LGALS9: variants seen among roughly 807,000 people sequenced by gnomAD.
LGALS9 encodes the protein galectin-9.
A neutral mutation model predicts 35.9 loss-of-function variants in LGALS9; 26 were observed. That is an observed-to-expected ratio of 0.72 (90% CI 0.53 to 1.01). LGALS9 has a LOEUF of 1.01. Ranked by LOEUF, LGALS9 falls within the 50% of genes least tolerant of loss-of-function variation. LGALS9 has a pLI of 0.00. For synonymous variants in LGALS9, 149 were observed against 172.2 expected, an observed-to-expected ratio of 0.87 and a Z score of 1.06; for missense variants, 347 against 445.8, an observed-to-expected ratio of 0.78 and a Z score of 1.99.
chr17:27,644,679 C>T (rs1338936944), intron 5 of LGALS9: 1 of 153,094 alleles, frequency 6.5e-6, no homozygotes, highest in African/African-American at 2.4e-5. Context: ...GCACCTGCCT[C>T]CTGCCACGCT....
At chr17:27,645,596 G>A (rs1904870467) in intron 6 of LGALS9, 1 of 614,252 alleles carries the variant, frequency 1.6e-6, no homozygotes. Flanking sequence ...ACCTGCAAAG[G>A]GAGGCTAGGC....
chr17:27,646,462 CT>C (rs1390551969), intron 7 of LGALS9, 84 bp from the exon 8 acceptor site: 33 of 1,600,980 alleles, frequency 2.1e-5, no homozygotes, highest in Non-Finnish European at 2.7e-5. Flanking sequence ...CAGTGGAGTC[CT>C]CTCTAGAACG....
At position 27,647,484 on chromosome 17, in the gene LGALS9, G is replaced by A. The variant is rs747784783; in HGVS notation, c.921+52G>A. On this transcript the variant is annotated intron_variant, in intron 10 of 10. Coordinates refer to ENST00000395473, the MANE Select transcript of LGALS9 (RefSeq NM_009587.3). ...AGAGGCTCCCATGGGTGCACAGGGG[G>A]AGGGGGTAAAGGAGGTTTGAGGTAC... The A allele has an allele frequency of 6.8e-6, 11 of 1,607,300 alleles. No homozygotes were observed. The South Asian group carries it at 1.0e-4, about 15-fold the overall frequency.
intron 7 of LGALS9, 129 bp from the exon 8 acceptor site, chr17:27,646,418 G>A: frequency 6.9e-7 from 1 of 1,442,528 alleles, no homozygotes. Flanking sequence ...AGACGGGCGA[G>A]TCCAAGGGCC....
chr17:27,636,596 A>C (rs771733637), intron 1 of LGALS9, among the ~76,000 whole-genome samples: 5 of 152,012 alleles, frequency 3.3e-5, no homozygotes, highest in African/African-American at 7.3e-5. Flanking sequence ...CAGCCTCCCA[A>C]GTAACTAGAG....
At chr17:27,640,459 C>G (rs1381816153) in intron 2 of LGALS9, 113 bp from the exon 3 acceptor site, 3 of 1,464,996 alleles carry the variant, frequency 2.0e-6, no homozygotes, top group Non-Finnish European at 2.9e-6. Context: ...CTCTGCCATA[C>G]AGGTTGTGTG....
At chr17:27,646,431 A>T in intron 7 of LGALS9, 116 bp from the exon 8 acceptor site, 1 of 1,523,340 alleles carries the variant, frequency 6.6e-7, no homozygotes, top group Non-Finnish European at 9.1e-7. Flanking sequence ...CAAGGGCCAA[A>T]GGCTCACGAG....
Position 27,649,029 on chromosome 17 carries a change from G to A in LGALS9, c.*47G>A. 1 of 1,612,380 alleles carries A rather than the reference G, an allele frequency of 6.2e-7. No individual in the cohort carries two copies. Among genetic ancestry groups the A allele is most frequent in the South Asian group, 1.1e-5 (1 of 90,986 alleles). ...CGGGGGCTGGGGTGTGGGGCAGTCT[G>A]GGTCCTCTCATCATCCCCACTTCCC... On this transcript the variant is annotated 3_prime_UTR_variant, in exon 11 of 11. Transcript: ENST00000395473.
intron 5 of LGALS9, among the ~76,000 whole-genome samples, chr17:27,643,849 C>T (rs1345751457): frequency 6.6e-6 from 1 of 152,184 alleles, no homozygotes; most frequent in Non-Finnish European, 1.5e-5. Flanking sequence ...ACGTGTCTCC[C>T]TCCTGAAGCC....
At chr17:27,632,176 G>A (rs2074399661) in intron 1 of LGALS9, among the ~76,000 whole-genome samples, 1 of 151,478 alleles carries the variant, frequency 6.6e-6, no homozygotes, top group Non-Finnish European at 1.5e-5. Context: ...TCCTGGGCCG[G>A]CTCCTGTCAT....
At chr17:27,643,713 G>C (rs1457171154) in intron 5 of LGALS9, 93 bp downstream of exon 5, 1 of 1,479,116 alleles carries the variant, frequency 6.8e-7, no homozygotes, top group South Asian at 1.4e-5. Context: ...GCCACTCAGG[G>C]CCTACAGGCC....
At chr17:27,633,573 C>A (rs771263230) in intron 1 of LGALS9, among the ~76,000 whole-genome samples, 75 of 152,354 alleles carry the variant, frequency 4.9e-4, no homozygotes, top group Admixed American at 8.5e-4. Context: ...AGGCTGCCCA[C>A]ATTTTGGTTC....
At chr17:27,646,475 G>A (rs550370373) in intron 7 of LGALS9, 72 bp from the exon 8 acceptor site, 257 of 1,607,688 alleles carry the variant, frequency 1.6e-4, no homozygotes, top group South Asian at 4.8e-4. Context: ...TCTAGAACGC[G>A]TGGGTGCGCC....
At chr17:27,632,594 T>G (rs1461707102) in intron 1 of LGALS9, among the ~76,000 whole-genome samples, 1 of 151,948 alleles carries the variant, frequency 6.6e-6, no homozygotes, top group Non-Finnish European at 1.5e-5. Flanking sequence ...GGTGCTGCCT[T>G]GGGCATGTCA....
chr17:27,646,527 T>C lies in LGALS9; in HGVS notation c.628-20T>C. 6.2e-7 allele frequency: 1 copy of C among 1,611,996 alleles called. No homozygotes were observed. Among genetic ancestry groups the C allele is most frequent in the Non-Finnish European group, 8.5e-7 (1 of 1,179,850 alleles). On this transcript the variant is annotated intron_variant, in intron 7 of 10. Transcript: ENST00000395473. ...CACCCATGTGCTCTCCCATTGAATT[T>C]CCTGGTTTCTTTTCAACAGACTCCC...
At position 27,640,447 on chromosome 17, in the gene LGALS9, G is replaced by A. The variant is rs906258568; in HGVS notation, c.132-125G>A. 2.7e-5 allele frequency: 37 copies of A among 1,387,078 alleles called. No homozygotes were observed. The African/African-American group carries it at 4.0e-4, about 15-fold the overall frequency. The allele number at this position is 1,387,078 out of a possible 1,614,324, so 85.9% of individuals were successfully genotyped here. A position where few individuals can be genotyped will look rare whatever the true frequency, so the allele number is the denominator to read the frequency against. On this transcript the variant is annotated intron_variant, in intron 2 of 10. Transcript: ENST00000395473. ...AAACAAAAACGATGCCAACAAAGCA[G>A]TCTCTGCCATACAGGTTGTGTGCAA...
chr17:27,642,077 G>A (rs1202918320), intron 3 of LGALS9, among the ~76,000 whole-genome samples, 161 bp from the exon 4 acceptor site: 3 of 152,064 alleles, frequency 2.0e-5, no homozygotes, highest in African/African-American at 4.8e-5. Flanking sequence ...GTAGAGACTC[G>A]GGTTGATGCA....
At chr17:27,634,563 A>AAAACAAAAAACGAAAAC (rs1192885835) in intron 1 of LGALS9, among the ~76,000 whole-genome samples, 3 of 152,152 alleles carry the variant, frequency 2.0e-5, no homozygotes, top group Non-Finnish European at 4.4e-5. Flanking sequence ...AAAAAAACAA[A>AAAACAAAAAACGAAAAC]AAACAAAAAA....
At chr17:27,647,481 G>T (rs1365899021) in intron 10 of LGALS9, 49 bp downstream of exon 10, 6 of 1,609,352 alleles carry the variant, frequency 3.7e-6, no homozygotes, top group Admixed American at 3.4e-5. Context: ...GGGTGCACAG[G>T]GGGAGGGGGT....
Sources: allele counts gnomAD v4.1 joint callset (sites outside exome capture counted in the v4.1 genomes callset), GRCh38; gene constraint gnomAD v4.1.1; transcripts MANE v1.5; gene names NCBI Gene and HGNC (gene_info 2026-07-23, HGNC 2026-07-21).